AMN: variants seen among roughly 807,000 people sequenced by gnomAD.
The protein encoded by AMN is protein amnionless.
Under a neutral mutation model 49.1 loss-of-function variants are expected in AMN, and 40 were observed. The ratio of observed to expected loss-of-function variants is 0.81; its 90% CI spans 0.63 to 1.06. The LOEUF is 1.06. Ranked by LOEUF, AMN falls within the 50% of genes least tolerant of loss-of-function variation. The pLI, the probability that AMN is intolerant of heterozygous loss-of-function variation, is 0.00. For missense variants in AMN, 701 were observed against 662.8 expected (o/e 1.06, Z -0.63); for synonymous variants, 380 against 313.3 (o/e 1.21, Z -2.25).
chr14:102,928,701 T>C, intron 4 of AMN, 57 bp from the exon 5 acceptor site: 1 of 1,563,774 alleles, frequency 6.4e-7, no homozygotes, highest in Non-Finnish European at 8.7e-7. Flanking sequence ...TGGCGTGGCG[T>C]GGCGTGGTGT....
At chr14:102,925,815 T>A (rs1891174227) in intron 3 of AMN, among the ~76,000 whole-genome samples, 1 of 152,136 alleles carries the variant, frequency 6.6e-6, no homozygotes, top group African/African-American at 2.4e-5. Flanking sequence ...AGAGGCCGAA[T>A]TCACCCAGAG....
At chr14:102,925,210 C>T (rs921882886) in intron 3 of AMN, among the ~76,000 whole-genome samples, 39 of 152,344 alleles carry the variant, frequency 2.6e-4, no homozygotes, top group African/African-American at 8.4e-4. Flanking sequence ...TGAGCTGGGT[C>T]GGGGTGTCGG....
At position 102,930,573 on chromosome 14, in the gene AMN, C is replaced by T; in HGVS notation, c.1258-3C>T. 1 of 1,569,990 alleles carries T rather than the reference C, an allele frequency of 6.4e-7. No homozygotes were observed. Among genetic ancestry groups the T allele is most frequent in the Non-Finnish European group, 8.6e-7 (1 of 1,159,402 alleles). ...ACCGCCGCCTGACCCTGTCACCCCG[C>T]AGCCCCTGCCGCGGCGGCTCAGCCT... On this transcript the variant is annotated splice_polypyrimidine_tract_variant and splice_region_variant and intron_variant, in intron 11 of 11. Transcript: ENST00000299155.
chr14:102,927,527 G>A (rs2139306676), intron 3 of AMN, among the ~76,000 whole-genome samples: 1 of 152,290 alleles, frequency 6.6e-6, no homozygotes, highest in East Asian at 1.9e-4. Flanking sequence ...ACACCCTCAG[G>A]TGTGCACGGA....
intron 3 of AMN, 64 bp downstream of exon 3, chr14:102,924,043 G>A (rs1271159456): frequency 1.2e-6 from 2 of 1,609,688 alleles, no homozygotes; most frequent in Non-Finnish European, 1.7e-6. Flanking sequence ...CGCCTTCAGG[G>A]ACTGCTGTGC....
chr14:102,928,383 C>T (rs1403192915), intron 3 of AMN, 43 bp from the exon 4 acceptor site: 8 of 1,531,114 alleles, frequency 5.2e-6, no homozygotes, highest in Admixed American at 1.9e-5. Flanking sequence ...CGGAGCAGGC[C>T]CGGACCCCCG....
In AMN at chr14:102,928,818, G is replaced by T. The variant is rs533436439; in HGVS notation, c.356G>T (p.Arg119Leu). 2.7e-5 allele frequency: 44 copies of T among 1,607,486 alleles called. No homozygotes were observed. In the African/African-American group the frequency reaches 2.9e-4, roughly 11 times the overall value. The change falls in exon 5 of 12, where the codon CGC becomes CTC. Residue 119 changes from arginine to leucine, a missense_variant. Arg to Leu is a moderately radical substitution (Grantham distance 102). Coordinates refer to ENST00000299155, the MANE Select transcript of AMN (RefSeq NM_030943.4). Reference protein sequence around the residue: ...RFSWHDPHLWRSGDEAPGLFF... With the variant: ...RFSWHDPHLWLSGDEAPGLFF... ...TCCTGGCATGACCCGCACCTGTGGCGCTCTGGGGACGAGGCACCTGGCCTC... is the reference window on the plus strand; with the variant it reads ...TCCTGGCATGACCCGCACCTGTGGCTCTCTGGGGACGAGGCACCTGGCCTC...
chr14:102,930,327 G>T lies in AMN; in HGVS notation c.1169G>T (p.Arg390Met). The change falls in exon 10 of 12, where the codon AGG becomes ATG. Residue 390 changes from arginine (R) to methionine (M), a missense_variant and splice_region_variant. Physicochemically the swap from Arg to Met is moderately conservative, Grantham distance 91. Coordinates refer to ENST00000299155, the MANE Select transcript of AMN (RefSeq NM_030943.4). ...CTGCTGCGCCGCGCGGGGAGGCTCA[G>T]GTACGCGGGGCGGGGGCGCGGAGGT... is the stretch of plus-strand genomic sequence containing the variant. ...PPLLRRAGRL[R>M]WRRHEAAAPA... 1 of 1,395,116 alleles carries T rather than the reference G, an allele frequency of 7.2e-7. No individual in the cohort carries two copies. Among genetic ancestry groups the T allele is most frequent in the South Asian group, 1.6e-5 (1 of 62,680 alleles). 86.4% of individuals were successfully genotyped at this position (1,395,116 alleles called of 1,614,324 possible).
In AMN at chr14:102,929,964, C is replaced by G; in HGVS notation, c.884C>G (p.Pro295Arg). The G allele has an allele frequency of 6.4e-7, 1 of 1,564,236 alleles. No homozygotes were observed. The highest frequency in any genetic ancestry group is 8.7e-7 in the Non-Finnish European group (1 of 1,155,406). ...HGLQVAVSKV[P>R]RSSRLREADT... ...CTGCAGGTGGCCGTGTCCAAGGTGC[C>G]ACGCTCGTCCCGGCTCCGTGAGGCC... The change falls in exon 9 of 12, where the codon CCA becomes CGA. Residue 295 changes from proline (P) to arginine (R), a missense_variant. Coordinates refer to ENST00000299155, the MANE Select transcript of AMN (RefSeq NM_030943.4).
Position 102,922,737 on chromosome 14 carries a change from C to T in AMN, c.43+6C>T. On this transcript the variant is annotated splice_donor_region_variant and intron_variant, in intron 1 of 11. Coordinates refer to ENST00000299155, the MANE Select transcript of AMN (RefSeq NM_030943.4). ...GCTGTGGCTGCAGCTCTGCGGTGAG[C>T]CGGGACCACACCGGTGCGGGCCCGG... The T allele has an allele frequency of 1.9e-6, 3 of 1,584,688 alleles. No homozygotes were observed. The highest frequency in any genetic ancestry group is 1.3e-5 in the African/African-American group (1 of 74,816).
intron 1 of AMN, chr14:102,923,457 T>C (rs1891108385): frequency 3.9e-6 from 2 of 508,084 alleles, no homozygotes; most frequent in South Asian, 2.0e-5. Context: ...GGAGGCTATC[T>C]AGGCAGGCGT....
chr14:102,924,417 A>C (rs1042007623), intron 3 of AMN, among the ~76,000 whole-genome samples: 34 of 151,900 alleles, frequency 2.2e-4, no homozygotes, highest in Non-Finnish European at 4.1e-4. Context: ...AGGCGAGCCC[A>C]CTCCTGCCTG....
intron 3 of AMN, among the ~76,000 whole-genome samples, chr14:102,927,204 T>G (rs1891207703): frequency 1.3e-5 from 2 of 152,166 alleles, no homozygotes; most frequent in Non-Finnish European, 2.9e-5. Flanking sequence ...TTAAGTTTGG[T>G]TTCTATTATA....
rs1012121120 is a variant in AMN at position 102,926,604 on chromosome 14, T to G, written c.208-1822T>G. Among the ~76,000 whole-genome samples the G allele has an allele frequency of 4.4e-3, 637 of 146,342 alleles. 5 individuals are homozygous for G. The highest frequency in any genetic ancestry group is 7.0e-3 in the Middle Eastern group (2 of 286). ...CCTGGATTTTTTTTTTTTTTTTTTT[T>G]GAGATGGAGTCTTGCTCTGCCACCC... On this transcript the variant is annotated intron_variant, in intron 3 of 11. Coordinates refer to ENST00000299155, the MANE Select transcript of AMN (RefSeq NM_030943.4).
At chr14:102,924,176 A>T (rs1891135608) in intron 3 of AMN, among the ~76,000 whole-genome samples, 197 bp downstream of exon 3, 1 of 152,144 alleles carries the variant, frequency 6.6e-6, no homozygotes, top group Admixed American at 6.5e-5. Context: ...GGTCCCAGCC[A>T]GGCTGTGTCC....
At position 102,923,948 on chromosome 14, in the gene AMN, T is replaced by C. The variant is rs1891129420; in HGVS notation, c.176T>C (p.Leu59Pro). Reference sequence around the variant, plus strand: ...TTCTTCCTGCAGATGGTGTCAGTCCTGGTGCAAGAAGGTCACGCCGTCTCA... The same window carrying C: ...TTCTTCCTGCAGATGGTGTCAGTCCCGGTGCAAGAAGGTCACGCCGTCTCA... ...EFPADKMVSV[L>P]VQEGHAVSDM... Residue 59 changes from leucine (L) to proline (P), a missense_variant, in exon 3 of 12, where the codon CTG (leucine) becomes CCG (proline). Leu to Pro is a moderately conservative substitution (Grantham distance 98). Coordinates refer to ENST00000299155, the MANE Select transcript of AMN (RefSeq NM_030943.4). 3 of 1,613,258 alleles carry C rather than the reference T, an allele frequency of 1.9e-6. No individual in the cohort carries two copies. The highest frequency in any genetic ancestry group is 2.5e-6 in the Non-Finnish European group (3 of 1,180,026).
chr14:102,928,712 G>A, intron 4 of AMN, 46 bp from the exon 5 acceptor site: 1 of 1,581,498 alleles, frequency 6.3e-7, no homozygotes, highest in East Asian at 2.3e-5. Context: ...GGCGTGGTGT[G>A]GCGCGGCGCT....
chr14:102,922,983 C>A, intron 1 of AMN: 1 of 521,904 alleles, frequency 1.9e-6, no homozygotes, highest in South Asian at 2.6e-5. Context: ...CAGCCCCGGC[C>A]TCCGGCGGCT....
At chr14:102,922,862 G>C in intron 1 of AMN, 131 bp downstream of exon 1, 1 of 1,307,352 alleles carries the variant, frequency 7.6e-7, no homozygotes, top group South Asian at 1.4e-5. Context: ...AGGGTTGGGG[G>C]CGTGAAACTC....
Sources: gnomAD v4.1 joint callset for allele counts (sites outside exome capture counted in the v4.1 genomes callset) on GRCh38, gnomAD v4.1.1 for gene constraint, MANE v1.5 for transcripts, NCBI Gene and HGNC (gene_info 2026-07-23, HGNC 2026-07-21) for gene names.